Variants in FGF14 observed in about 807,000 individuals in gnomAD.
FGF14 encodes the protein fibroblast growth factor homologous factor 4.
In FGF14, 5 loss-of-function variants were observed where a neutral mutation model predicts 25.5. That is an observed-to-expected ratio of 0.20 (90% CI 0.10 to 0.41). The LOEUF (loss-of-function observed/expected upper bound fraction) is 0.41. Ranked by LOEUF, FGF14 falls within the 10% of genes least tolerant of loss-of-function variation. The pLI is 1.00. For synonymous variants in FGF14, 138 were observed against 118.3 expected (o/e 1.17, Z -1.08); for missense variants, 222 against 320.1 (o/e 0.69, Z 2.34).
rs754991443 is a variant in FGF14 at position 101,715,727 on chromosome 13, G to GTA, written c.*7102_*7103dup. The GTA allele has an allele frequency of 3.6e-5, 34 of 953,924 alleles. No individual in the cohort carries two copies. Among genetic ancestry groups the GTA allele is most frequent in the Non-Finnish European group, 5.9e-5 (34 of 579,392 alleles). 59.1% of individuals were successfully genotyped at this position (953,924 alleles called of 1,614,324 possible). A position where few individuals can be genotyped will look rare whatever the true frequency, so the allele number is the denominator to read the frequency against. On this transcript the variant is annotated 3_prime_UTR_variant, in exon 5 of 5. Transcript: ENST00000376143. Reference sequence around the variant, plus strand: ...AACAGATAAATGCGAAGGAAACCATGTATATTCACCACTAGGACAGGTTAA... The same window carrying GTA: ...AACAGATAAATGCGAAGGAAACCATGTATATATTCACCACTAGGACAGGTTAA...
At chr13:101,793,618 T>C (rs756986028) in intron 3 of FGF14, among the ~76,000 whole-genome samples, 6 of 152,110 alleles carry the variant, frequency 3.9e-5, no homozygotes, top group Non-Finnish European at 7.4e-5. Flanking sequence ...CTGGATCATA[T>C]GGCAATTCTA....
At chr13:102,239,971 T>C (rs1028115794) in intron 1 of FGF14, among the ~76,000 whole-genome samples, 3 of 152,170 alleles carry the variant, frequency 2.0e-5, no homozygotes, top group South Asian at 4.1e-4. Context: ...GCAAAGGATA[T>C]ATTAGCATTT....
intron 3 of FGF14, among the ~76,000 whole-genome samples, chr13:101,749,448 G>A (rs891813144): frequency 2.0e-5 from 3 of 152,014 alleles, no homozygotes; most frequent in Admixed American, 2.0e-4. Flanking sequence ...TTTCATCTAT[G>A]TAACACTCTT....
intron 1 of FGF14, among the ~76,000 whole-genome samples, chr13:102,086,334 C>G (rs759880282): frequency 6.6e-6 from 1 of 151,968 alleles, no homozygotes; most frequent in African/African-American, 2.4e-5. Flanking sequence ...TCCTGGCTAA[C>G]CAGGATAGAG....
At chr13:101,875,965 C>G (rs2045368634) in intron 1 of FGF14, among the ~76,000 whole-genome samples, 1 of 152,050 alleles carries the variant, frequency 6.6e-6, no homozygotes, top group Non-Finnish European at 1.5e-5. Flanking sequence ...GAGGTCAGCT[C>G]TGAGGCAATC....
intron 1 of FGF14, among the ~76,000 whole-genome samples, chr13:101,983,075 C>T (rs528174493): frequency 4.2e-4 from 61 of 145,692 alleles, no homozygotes; most frequent in Admixed American, 3.3e-4. Flanking sequence ...ATATGAATGG[C>T]TGTTTGTGTA....
At chr13:102,174,937 A>T (rs1166950906) in intron 1 of FGF14, among the ~76,000 whole-genome samples, 1 of 152,126 alleles carries the variant, frequency 6.6e-6, no homozygotes, top group Non-Finnish European at 1.5e-5. Flanking sequence ...AAATTAAAAA[A>T]AAAAGAAATT....
intron 1 of FGF14, among the ~76,000 whole-genome samples, chr13:102,251,721 C>A (rs1167597627): frequency 6.6e-6 from 1 of 152,124 alleles, no homozygotes; most frequent in South Asian, 2.1e-4. Context: ...CAGTATCCCT[C>A]GTGCTTCAGT....
At chr13:101,990,381 T>A (rs1192027577) in intron 1 of FGF14, among the ~76,000 whole-genome samples, 1 of 152,158 alleles carries the variant, frequency 6.6e-6, no homozygotes, top group Non-Finnish European at 1.5e-5. Flanking sequence ...GCCTATATAG[T>A]TAAGAAAGGG....
intron 1 of FGF14, among the ~76,000 whole-genome samples, chr13:102,096,440 A>C (rs910641832): frequency 1.1e-4 from 17 of 150,812 alleles, no homozygotes; most frequent in South Asian, 6.3e-4. Context: ...TAAAAAAAAA[A>C]CACACCACTA....
chr13:102,126,200 A>T (rs1270466382), intron 1 of FGF14, among the ~76,000 whole-genome samples: 1 of 152,036 alleles, frequency 6.6e-6, no homozygotes, highest in Non-Finnish European at 1.5e-5. Flanking sequence ...AAACTACCGC[A>T]CCCATTAAGC....
chr13:101,748,247 A>G (rs1440905458), intron 3 of FGF14, among the ~76,000 whole-genome samples: 4 of 152,068 alleles, frequency 2.6e-5, no homozygotes, highest in Non-Finnish European at 4.4e-5. Context: ...GATTGGATAA[A>G]GAAGATGTTA....
intron 1 of FGF14, among the ~76,000 whole-genome samples, chr13:101,984,049 C>T (rs1460839398): frequency 6.6e-6 from 1 of 152,184 alleles, no homozygotes; most frequent in Non-Finnish European, 1.5e-5. Context: ...TACTTAGCTT[C>T]TCTTTCAGCC....
At chr13:101,912,286 G>A (rs147753381) in intron 1 of FGF14, among the ~76,000 whole-genome samples, 135 of 152,114 alleles carry the variant, frequency 8.9e-4, no homozygotes, top group Admixed American at 1.9e-3. Flanking sequence ...AGAAGCCCAG[G>A]CACCTGCTGA....
intron 1 of FGF14, among the ~76,000 whole-genome samples, chr13:102,278,649 T>TATATATAC (rs1566893789): frequency 1.3e-5 from 2 of 149,200 alleles, no homozygotes; most frequent in Non-Finnish European, 3.0e-5. Context: ...TATATATACA[T>TATATATAC]ACACACACAT....
chr13:102,314,262 T>C (rs527576479), intron 1 of FGF14, among the ~76,000 whole-genome samples: 1 of 152,324 alleles, frequency 6.6e-6, no homozygotes, highest in African/African-American at 2.4e-5. Flanking sequence ...TGTATTCACT[T>C]GTGTATCATC....
intron 1 of FGF14, among the ~76,000 whole-genome samples, chr13:102,081,123 A>G (rs2043598317): frequency 1.3e-5 from 2 of 152,386 alleles, no homozygotes; most frequent in African/African-American, 2.4e-5. Flanking sequence ...AACAAACCAT[A>G]AAAGATACCT....
intron 1 of FGF14, among the ~76,000 whole-genome samples, chr13:102,150,487 G>A (rs924276879): frequency 6.6e-6 from 1 of 152,058 alleles, no homozygotes; most frequent in Non-Finnish European, 1.5e-5. Flanking sequence ...TCTCACTTAC[G>A]TTATTCCAAG....
intron 1 of FGF14, among the ~76,000 whole-genome samples, chr13:102,098,148 AC>A (rs2044492527): frequency 6.6e-6 from 1 of 151,406 alleles, no homozygotes; most frequent in African/African-American, 2.4e-5. Flanking sequence ...CTGTCTCAAG[AC>A]CCCCACCAGC....
Sources: gnomAD v4.1 joint callset for allele counts (sites outside exome capture counted in the v4.1 genomes callset) on GRCh38, gnomAD v4.1.1 for gene constraint, MANE v1.5 for transcripts, NCBI Gene and HGNC (gene_info 2026-07-23, HGNC 2026-07-21) for gene names.